Variants in DVL3 observed in about 807,000 individuals in gnomAD.
DVL3 encodes segment polarity protein dishevelled homolog DVL-3.
DVL3 carries 27 observed loss-of-function variants against 67.4 expected under a neutral mutation model. The ratio of observed to expected loss-of-function variants is 0.40; its 90% CI spans 0.30 to 0.55. DVL3 has a LOEUF of 0.55. Among genes scored for constraint, DVL3 ranks in the 20% least tolerant of loss-of-function variants. The probability of loss-of-function intolerance (pLI) is 0.46; values close to 1 mark genes in which losing one functional copy is unlikely to be tolerated. For missense variants in DVL3, 819 were observed against 1,021.5 expected (o/e 0.80, Z 2.70); for synonymous variants, 369 against 396.8 (o/e 0.93, Z 0.83).
rs754344161 is a variant in DVL3 at position 184,170,270 on chromosome 3, C to A, written c.1714+49C>A. On this transcript the variant is annotated intron_variant, in intron 14 of 14. Coordinates refer to ENST00000313143, the MANE Select transcript of DVL3 (RefSeq NM_004423.4). The surrounding 1 kb of genome is among the most constrained non-coding windows in gnomAD (Gnocchi z 6.5). The stretch of plus-strand genomic sequence containing the variant: ...AAGGCTATAGGTGGGCCCCAGGCTT[C>A]CCCCGCCCGCTCAGCCTGCCCCACC... 14 of 1,597,418 alleles carry A rather than the reference C, an allele frequency of 8.8e-6. No homozygotes were observed. In the Admixed American group the frequency reaches 1.2e-4, roughly 14 times the overall value.
Position 184,168,181 on chromosome 3 carries a change from C to A in DVL3, c.1498+116C>A, listed in dbSNP as rs1272850051. 4.2e-6 allele frequency: 5 copies of A among 1,193,868 alleles called. No individual in the cohort carries two copies. The Admixed American group carries it at 6.2e-5, about 15-fold the overall frequency. 74.0% of individuals were successfully genotyped at this position (1,193,868 alleles called of 1,614,324 possible). On this transcript the variant is annotated intron_variant, in intron 13 of 14. Coordinates refer to ENST00000313143, the MANE Select transcript of DVL3 (RefSeq NM_004423.4). ...CTGGGGGACAGCAGAGCCAGGGGCC[C>A]AATTCAAGGCCTGAGAGTTCTATGG...
In DVL3 at chr3:184,168,070, G is replaced by A. The variant is rs374494166; in HGVS notation, c.1498+5G>A. The A allele has an allele frequency of 6.2e-6, 10 of 1,611,964 alleles. No homozygotes were observed. Among genetic ancestry groups the A allele is most frequent in the Non-Finnish European group, 5.9e-6 (7 of 1,178,232 alleles). Reference sequence around the variant, plus strand: ...TCTTCGGTGACCTCTGCGGCAGTATGTGCCTCCCTCATCTTCTTGCCCTGT... The same window carrying A: ...TCTTCGGTGACCTCTGCGGCAGTATATGCCTCCCTCATCTTCTTGCCCTGT... On this transcript the variant is annotated splice_donor_5th_base_variant and intron_variant, in intron 13 of 14. Transcript: ENST00000313143.
At position 184,166,649 on chromosome 3, in the gene DVL3, C is replaced by T. The variant is rs560181896; in HGVS notation, c.1024C>T (p.Arg342Cys). Residue 342 changes from arginine to cysteine, a missense_variant, in exon 10 of 15, where the codon CGT (arginine) becomes TGT (cysteine). Around this residue, in one of 3 missense-constraint regions of DVL3, gnomAD observed 385 missense variants for 486.8 expected, o/e 0.79. Coordinates refer to ENST00000313143, the MANE Select transcript of DVL3 (RefSeq NM_004423.4). The surrounding 1 kb of genome is among the most constrained non-coding windows in gnomAD (Gnocchi z 6.7). ...AGCCAAGTGCTGGGACCCAAGTCCA[C>T]GTGGTTGCTTCACATTGCCCAGGAG... is the stretch of plus-strand genomic sequence containing the variant. ...TVAKCWDPSPRGCFTLPRSEP... is the reference protein window; with the variant it reads ...TVAKCWDPSPCGCFTLPRSEP... 1.4e-5 allele frequency: 23 copies of T among 1,614,156 alleles called. No individual in the cohort carries two copies. The East Asian group carries it at 3.6e-4, about 25-fold the overall frequency.
At chr3:184,169,853 A>AGG (rs35401666) in intron 13 of DVL3, among the ~76,000 whole-genome samples, 153 bp from the exon 14 acceptor site, 2 of 152,132 alleles carry the variant, frequency 1.3e-5, no homozygotes, top group African/African-American at 2.4e-5. Context: ...GTGGTGGCAA[A>AGG]GGGGGTCTGC....
chr3:184,155,641 C>T lies in DVL3; in HGVS notation c.6C>T (p.Gly2=), dbSNP rs774132103. Residue 2 remains glycine (G), a synonymous_variant, in exon 1 of 15, where the codon GGC becomes GGT. Transcript: ENST00000313143. The surrounding 1 kb of genome is among the most constrained non-coding windows in gnomAD (Gnocchi z 5.4). ...CCGGGCCCGAGGCCAGAGCCATGGGCGAGACCAAGATCATCTACCACTTGG... is the reference window on the plus strand; with the variant it reads ...CCGGGCCCGAGGCCAGAGCCATGGGTGAGACCAAGATCATCTACCACTTGG... M[G]ETKIIYHLDG... is the part of the protein sequence containing the mutation. 2.7e-5 allele frequency: 42 copies of T among 1,580,502 alleles called. No homozygotes were observed. The highest frequency in any genetic ancestry group is 3.4e-5 in the Non-Finnish European group (40 of 1,166,036).
chr3:184,168,158 G>T, intron 13 of DVL3, 93 bp downstream of exon 13: 1 of 1,453,046 alleles, frequency 6.9e-7, no homozygotes, highest in Non-Finnish European at 9.4e-7. Flanking sequence ...AACCCAAACT[G>T]GGGGACAGCA....
intron 1 of DVL3, among the ~76,000 whole-genome samples, chr3:184,160,228 G>A (rs111987174): frequency 0.033 from 5,017 of 151,948 alleles, 287 homozygotes; most frequent in African/African-American, 0.12. Context: ...TGGGATTACA[G>A]GCCTGAGCCA....
Position 184,171,410 on chromosome 3 carries a change from G to A in DVL3, c.*655G>A, listed in dbSNP as rs998868123. The A allele has an allele frequency of 4.2e-5, 42 of 996,082 alleles. No homozygotes were observed. The highest frequency in any genetic ancestry group is 4.7e-5 in the Non-Finnish European group (39 of 837,534). The allele number at this position is 996,082 out of a possible 1,614,324, so 61.7% of individuals were successfully genotyped here. A position where few individuals can be genotyped will look rare whatever the true frequency, so the allele number is the denominator to read the frequency against. On this transcript the variant is annotated 3_prime_UTR_variant, in exon 15 of 15. Transcript: ENST00000313143. ...TGCCTGAGCAGCTGGTGGCTTCCAG[G>A]GAGCATCTCTGCTCTACCCCTGCCC...
rs1714915108 is a variant in DVL3, at chr3:184,173,365, C to G, written c.*2610C>G. On this transcript the variant is annotated 3_prime_UTR_variant, in exon 15 of 15. Transcript: ENST00000313143. ...TCCCTCTCCCCTCTCTACTTTAATT[C>G]ATTGGAGCATGGGATTTGGAGTTAG... The G allele has an allele frequency of 6.6e-6, 1 of 152,188 alleles. No homozygotes were observed. Among genetic ancestry groups the G allele is most frequent in the African/African-American group, 2.4e-5 (1 of 41,434 alleles). The allele number at this position is 152,188 out of a possible 1,614,324, so 9.4% of individuals were successfully genotyped here.
chr3:184,160,535 A>AGTGT lies in DVL3; in HGVS notation c.162-3107_162-3104dup, dbSNP rs34412853. Among the ~76,000 whole-genome samples the AGTGT allele has an allele frequency of 7.8e-3, 1,181 of 150,446 alleles. 8 individuals are homozygous for AGTGT. The highest frequency in any genetic ancestry group is 0.036 in the East Asian group (182 of 5,094). On this transcript the variant is annotated intron_variant, in intron 1 of 14. Transcript: ENST00000313143. ...TTTGTTTGACTCCATTTGGGGTATG[A>AGTGT]GTGTGTGTGTGTGTGTGTAAGTGCT...
chr3:184,165,134 G>A lies in DVL3; in HGVS notation c.621G>A (p.Gln207=). Reference sequence around the variant, plus strand: ...ACAGGTTCAGCAGCTCCACAGAACAGAGCAGTGCCTCACGCCTGATGAGAA... The same window carrying A: ...ACAGGTTCAGCAGCTCCACAGAACAAAGCAGTGCCTCACGCCTGATGAGAA... The part of the protein sequence containing the change: ...STSRFSSSTE[Q]SSASRLMRRH... The change falls in exon 6 of 15, where the codon CAG becomes CAA. Residue 207 remains glutamine, a synonymous_variant. Coordinates refer to ENST00000313143, the MANE Select transcript of DVL3 (RefSeq NM_004423.4). This position sits in a 1 kb window ranked among gnomAD's most constrained non-coding sequence, Gnocchi z 4.1. 1 of 1,613,646 alleles carries A rather than the reference G, an allele frequency of 6.2e-7. No individual in the cohort carries two copies. Among genetic ancestry groups the A allele is most frequent in the African/African-American group, 1.3e-5 (1 of 75,032 alleles).
In DVL3 at chr3:184,170,139, G is replaced by A. The variant is rs1417169578; in HGVS notation, c.1632G>A (p.Pro544=). 1.9e-6 allele frequency: 3 copies of A among 1,611,490 alleles called. No homozygotes were observed. Among genetic ancestry groups the A allele is most frequent in the African/African-American group, 1.3e-5 (1 of 74,900 alleles). The change falls in exon 14 of 15, where the codon CCG becomes CCA. Residue 544 remains proline, a synonymous_variant. Coordinates refer to ENST00000313143, the MANE Select transcript of DVL3 (RefSeq NM_004423.4). The surrounding 1 kb of genome is among the most constrained non-coding windows in gnomAD (Gnocchi z 6.5). ...MAFPYQYPPP[P]HPYNPHPGFP... is the part of the protein sequence containing the mutation. ...TCCCGTACCAGTACCCGCCACCCCCGCACCCATACAACCCGCACCCGGGCT... is the reference window on the plus strand; with the variant it reads ...TCCCGTACCAGTACCCGCCACCCCCACACCCATACAACCCGCACCCGGGCT...
intron 1 of DVL3, among the ~76,000 whole-genome samples, chr3:184,162,617 T>A (rs1412097744): frequency 6.9e-6 from 1 of 143,998 alleles, no homozygotes; most frequent in African/African-American, 2.6e-5. Context: ...TGGAGCACAG[T>A]GGCGTGATCT....
chr3:184,163,808 G>C lies in DVL3; in HGVS notation c.231+82G>C, dbSNP rs1346034529. The C allele has an allele frequency of 3.1e-6, 4 of 1,282,866 alleles. No homozygotes were observed. The highest frequency in any genetic ancestry group is 4.5e-6 in the Non-Finnish European group (4 of 888,766). The allele number at this position is 1,282,866 out of a possible 1,614,324, so 79.5% of individuals were successfully genotyped here. A position where few individuals can be genotyped will look rare whatever the true frequency, so the allele number is the denominator to read the frequency against. On this transcript the variant is annotated intron_variant, in intron 2 of 14. Transcript: ENST00000313143. The surrounding 1 kb of genome is among the most constrained non-coding windows in gnomAD (Gnocchi z 4.5). ...AAAGGCATCACTGAGATTGTAGCTGGTGGTTTTAAGCTTCAGTATCTGAAT... is the reference window on the plus strand; with the variant it reads ...AAAGGCATCACTGAGATTGTAGCTGCTGGTTTTAAGCTTCAGTATCTGAAT...
At chr3:184,161,214 G>A (rs1714369300) in intron 1 of DVL3, among the ~76,000 whole-genome samples, 1 of 152,180 alleles carries the variant, frequency 6.6e-6, no homozygotes, top group Non-Finnish European at 1.5e-5. Flanking sequence ...GTCACCTGAG[G>A]TCAGGAGTTC....
chr3:184,164,698 G>A lies in DVL3; in HGVS notation c.463+97G>A. On this transcript the variant is annotated intron_variant, in intron 4 of 14. Coordinates refer to ENST00000313143, the MANE Select transcript of DVL3 (RefSeq NM_004423.4). The surrounding 1 kb of genome is among the most constrained non-coding windows in gnomAD (Gnocchi z 5.3). ...TTCTTGCCCTACTTCCCGAGCTCAG[G>A]ATATGCCTGGCCCCAGTGCAGCCCC... 1 of 1,585,844 alleles carries A rather than the reference G, an allele frequency of 6.3e-7. No homozygotes were observed. Among genetic ancestry groups the A allele is most frequent in the Non-Finnish European group, 8.6e-7 (1 of 1,163,628 alleles).
Position 184,170,365 on chromosome 3 carries a change from G to A in DVL3, c.1761G>A (p.Lys587=), listed in dbSNP as rs1354357391. The part of the protein sequence containing the change: ...GSNRSGSDRR[K]EKDPKAGDSK... ...ACCGTAGCGGCAGCGATCGGAGGAA[G>A]GAGAAGGACCCGAAGGCCGGGGACT... The change falls in exon 15 of 15, where the codon AAG becomes AAA. Residue 587 remains lysine, a synonymous_variant. Transcript: ENST00000313143. The surrounding 1 kb of genome is among the most constrained non-coding windows in gnomAD (Gnocchi z 6.5). 1.2e-6 allele frequency: 2 copies of A among 1,606,254 alleles called. No individual in the cohort carries two copies. The highest frequency in any genetic ancestry group is 2.2e-5 in the East Asian group (1 of 44,564).
Position 184,164,529 on chromosome 3 carries a change from A to G in DVL3, c.391A>G (p.Asn131Asp). Residue 131 changes from asparagine to aspartate, a missense_variant, in exon 4 of 15, where the codon AAT (asparagine) becomes GAT (aspartate). Asn to Asp is a conservative substitution (Grantham distance 23, BLOSUM62 1). Coordinates refer to ENST00000313143, the MANE Select transcript of DVL3 (RefSeq NM_004423.4). The surrounding 1 kb of genome is among the most constrained non-coding windows in gnomAD (Gnocchi z 5.3). Reference protein sequence around the residue: ...AGGGSQENLDNDTETDSLVSA... With the variant: ...AGGGSQENLDDDTETDSLVSA... The stretch of plus-strand genomic sequence containing the variant: ...TGGGGGCAGCCAGGAGAACCTGGAC[A>G]ATGACACAGAGACGGACTCTTTGGT... 2 of 1,589,504 alleles carry G rather than the reference A, an allele frequency of 1.3e-6. No homozygotes were observed. The highest frequency in any genetic ancestry group is 8.6e-7 in the Non-Finnish European group (1 of 1,168,242).
chr3:184,166,170 G>A lies in DVL3; in HGVS notation c.808G>A (p.Glu270Lys), dbSNP rs1714576025. ...CATCTCCATTGTGGGCCAAAGCAACGAGCGTGGTGACGGCGGCATCTACAT... is the reference window on the plus strand; with the variant it reads ...CATCTCCATTGTGGGCCAAAGCAACAAGCGTGGTGACGGCGGCATCTACAT... ...LGISIVGQSN[E>K]RGDGGIYIGS... is the part of the protein sequence containing the mutation. The change falls in exon 8 of 15, where the codon GAG (glutamate) becomes AAG (lysine). Residue 270 changes from glutamate (E) to lysine (K), a missense_variant. Physicochemically the swap from Glu to Lys is moderately conservative, Grantham distance 56. This residue lies in a region of DVL3 where 385 missense variants were observed against 486.8 expected (regional missense o/e 0.79). Transcript: ENST00000313143. The surrounding 1 kb of genome is among the most constrained non-coding windows in gnomAD (Gnocchi z 6.7). The A allele has an allele frequency of 3.1e-6, 5 of 1,613,702 alleles. No individual in the cohort carries two copies. The highest frequency in any genetic ancestry group is 4.2e-6 in the Non-Finnish European group (5 of 1,179,922).
Sources: gnomAD v4.1 joint callset for allele counts (sites outside exome capture counted in the v4.1 genomes callset) on GRCh38, gnomAD v4.1.1 for gene constraint, gnomAD v4.1.1 regional missense constraint, Gnocchi (gnomAD v3.1) non-coding constraint, MANE v1.5 for transcripts, NCBI Gene and HGNC (gene_info 2026-07-23, HGNC 2026-07-21) for gene names.